The following FGF14 variants were observed in gnomAD, a reference collection of about 807,000 sequenced individuals.
FGF14 encodes fibroblast growth factor 14.
In FGF14, 5 loss-of-function variants were observed where a neutral mutation model predicts 25.5. The observed-to-expected ratio is 0.20, with a 90% CI of 0.10 to 0.41. FGF14 has a LOEUF of 0.41. FGF14 is among the 10% of genes least tolerant of loss of function. FGF14 has a pLI of 1.00. For synonymous variants in FGF14, 138 were observed against 118.3 expected, an observed-to-expected ratio of 1.17 and a Z score of -1.08; for missense variants, 222 against 320.1, an observed-to-expected ratio of 0.69 and a Z score of 2.34.
intron 1 of FGF14, among the ~76,000 whole-genome samples, chr13:102,286,427 C>T (rs1157635891): frequency 6.6e-6 from 1 of 152,174 alleles, no homozygotes; most frequent in Non-Finnish European, 1.5e-5. Context: ...ACTTTACACT[C>T]AGTCACATAT....
At chr13:102,373,330 T>C (rs2139121324) in intron 1 of FGF14, 1 of 152,320 alleles carries the variant, frequency 6.6e-6, no homozygotes, top group Non-Finnish European at 1.5e-5. Context: ...AGCACATTTC[T>C]GAAAGTGCCT....
rs1312609362 is a variant in FGF14, at chr13:102,390,001, A to G, written c.208+11470T>C. Among the ~76,000 whole-genome samples, 5 of 152,248 alleles carry G rather than the reference A, an allele frequency of 3.3e-5. 1 individual carries two copies. The East Asian group carries it at 9.6e-4, about 29-fold the overall frequency. On this transcript the variant is annotated intron_variant, in intron 1 of 4. Coordinates refer to the FGF14 transcript ENST00000376131. ...ATGTTAGGAGTTTCCGGTTTAAAAAATAAAACAGAAGCTACCATGTTGAAT... is the reference window on the plus strand; with the variant it reads ...ATGTTAGGAGTTTCCGGTTTAAAAAGTAAAACAGAAGCTACCATGTTGAAT...
Position 101,721,931 on chromosome 13 carries a change from G to A in FGF14, c.*900C>T, listed in dbSNP as rs2035022284. 1 of 150,942 alleles carries A rather than the reference G, an allele frequency of 6.6e-6. No individual in the cohort carries two copies. The highest frequency in any genetic ancestry group is 2.1e-4 in the South Asian group (1 of 4,800). 9.4% of individuals were successfully genotyped at this position (150,942 alleles called of 1,614,324 possible). On this transcript the variant is annotated 3_prime_UTR_variant, in exon 5 of 5. Coordinates refer to ENST00000376143, the MANE Select transcript of FGF14 (RefSeq NM_004115.4). ...CTTAATCAGGCCTACAAGGCCTACA[G>A]AAATCTTTGGACCCACTTTCTCAAA...
At chr13:101,829,003 C>T (rs954029492) in intron 3 of FGF14, among the ~76,000 whole-genome samples, 1 of 152,004 alleles carries the variant, frequency 6.6e-6, no homozygotes, top group African/African-American at 2.4e-5. Flanking sequence ...TGGTTTCTGC[C>T]CCTCGGGGTC....
chr13:101,833,395 C>G (rs1352481352), intron 3 of FGF14, among the ~76,000 whole-genome samples: 1 of 152,054 alleles, frequency 6.6e-6, no homozygotes, highest in Non-Finnish European at 1.5e-5. Flanking sequence ...ATATTTTCAA[C>G]AGCGTTGACT....
At chr13:101,898,501 G>C (rs2031063972) in intron 1 of FGF14, among the ~76,000 whole-genome samples, 1 of 151,968 alleles carries the variant, frequency 6.6e-6, no homozygotes, top group African/African-American at 2.4e-5. Flanking sequence ...TAAAAAGCTA[G>C]TCAATATTTT....
At chr13:101,960,321 T>A (rs1174793860) in intron 1 of FGF14, among the ~76,000 whole-genome samples, 1 of 152,196 alleles carries the variant, frequency 6.6e-6, no homozygotes, top group Admixed American at 6.5e-5. Context: ...AAGCCCAGCA[T>A]GCATTAGCTA....
intron 1 of FGF14, among the ~76,000 whole-genome samples, chr13:102,173,371 T>C (rs1189685686): frequency 6.6e-6 from 1 of 152,096 alleles, no homozygotes; most frequent in Admixed American, 6.6e-5. Context: ...TCTTATACAC[T>C]GTTAGTAGGA....
intron 1 of FGF14, among the ~76,000 whole-genome samples, chr13:101,983,313 G>A (rs924438462): frequency 3.3e-5 from 5 of 152,080 alleles, no homozygotes; most frequent in African/African-American, 1.2e-4. Context: ...GAATTATAAA[G>A]GGGTCCAATA....
intron 1 of FGF14, among the ~76,000 whole-genome samples, chr13:102,286,148 C>A (rs1451566802): frequency 6.6e-6 from 1 of 152,140 alleles, no homozygotes; most frequent in Non-Finnish European, 1.5e-5. Context: ...TATTTAGGGG[C>A]CAGCGTTCCT....
intron 1 of FGF14, among the ~76,000 whole-genome samples, chr13:102,320,792 T>C (rs2056215328): frequency 6.6e-6 from 1 of 152,122 alleles, no homozygotes; most frequent in Admixed American, 6.6e-5. Context: ...GCTGAAAAAA[T>C]AGCAACATGA....
intron 1 of FGF14, among the ~76,000 whole-genome samples, chr13:102,093,500 A>G (rs929213540): frequency 6.6e-6 from 1 of 152,196 alleles, no homozygotes; most frequent in African/African-American, 2.4e-5. Flanking sequence ...TATCCACTTA[A>G]AATGCCATGT....
intron 1 of FGF14, among the ~76,000 whole-genome samples, chr13:101,899,206 GA>G (rs71200760): frequency 4.0e-5 from 6 of 151,306 alleles, no homozygotes; most frequent in East Asian, 1.9e-4. Flanking sequence ...GTAATAAAAA[GA>G]AAAAAAATCC....
intron 1 of FGF14, among the ~76,000 whole-genome samples, chr13:102,093,379 A>G (rs2044254430): frequency 6.6e-6 from 1 of 152,174 alleles, no homozygotes; most frequent in East Asian, 1.9e-4. Flanking sequence ...AACACACATA[A>G]AGATGCAGTA....
At chr13:102,321,136 G>A (rs2056228111) in intron 1 of FGF14, among the ~76,000 whole-genome samples, 1 of 152,130 alleles carries the variant, frequency 6.6e-6, no homozygotes. Flanking sequence ...CTCCTTAACT[G>A]CCAAATGTCT....
intron 1 of FGF14, among the ~76,000 whole-genome samples, chr13:101,954,651 C>T (rs1047676044): frequency 6.6e-6 from 1 of 152,226 alleles, no homozygotes; most frequent in Admixed American, 6.5e-5. Flanking sequence ...GCTATGCTCC[C>T]ATGGCCCCTG....
intron 1 of FGF14, among the ~76,000 whole-genome samples, chr13:102,364,780 A>T (rs990634277): frequency 1.3e-5 from 2 of 152,192 alleles, no homozygotes; most frequent in Admixed American, 6.5e-5. Flanking sequence ...GAACTTCTCC[A>T]TTCAGTTCCT....
intron 3 of FGF14, among the ~76,000 whole-genome samples, chr13:101,823,068 A>C (rs565712867): frequency 5.3e-5 from 8 of 152,310 alleles, no homozygotes; most frequent in African/African-American, 1.9e-4. Flanking sequence ...ATGATATTCC[A>C]TTGTATGAAT....
intron 1 of FGF14, among the ~76,000 whole-genome samples, chr13:102,229,020 G>T (rs1434824333): frequency 1.3e-5 from 2 of 152,016 alleles, no homozygotes; most frequent in African/African-American, 4.8e-5. Flanking sequence ...ACTTCCTTCT[G>T]TATTGAGGAA....
Sources: gnomAD v4.1 joint callset for allele counts (sites outside exome capture counted in the v4.1 genomes callset) on GRCh38, gnomAD v4.1.1 for gene constraint, MANE v1.5 for transcripts, NCBI Gene and HGNC (gene_info 2026-07-23, HGNC 2026-07-21) for gene names.